The following IL27RA variants were observed in gnomAD, a reference collection of about 807,000 sequenced individuals.
The protein encoded by IL27RA is interleukin-27 receptor subunit alpha.
In IL27RA, 61 loss-of-function variants were observed where a neutral mutation model predicts 80.8. The ratio of observed to expected loss-of-function variants is 0.76; its 90% CI spans 0.61 to 0.93. The LOEUF (loss-of-function observed/expected upper bound fraction) is 0.93. Ranked by LOEUF, IL27RA falls within the 40% of genes least tolerant of loss-of-function variation. The pLI is 0.00. For missense variants in IL27RA, 735 were observed against 808.1 expected, an observed-to-expected ratio of 0.91 and a Z score of 1.10; for synonymous variants, 316 against 332.5, an observed-to-expected ratio of 0.95 and a Z score of 0.54.
intron 2 of IL27RA, 47 bp downstream of exon 2, chr19:14,032,550 G>T (rs1193107626): frequency 7.9e-7 from 1 of 1,258,672 alleles, no homozygotes; most frequent in Non-Finnish European, 1.2e-6. Flanking sequence ...GGAGGTGGCC[G>T]CTCAGGCCCC....
At position 14,036,031 on chromosome 19, in the gene IL27RA, A is replaced by T. The variant is rs1470116912; in HGVS notation, c.219-3477A>T. On this transcript the variant is annotated intron_variant, in intron 2 of 13. Transcript: ENST00000263379. ...CGAGGCAGAAGGATGGCTTGAGCCC[A>T]GGGGTTGGAGACCAGCCTGGGCAAC... Among the ~76,000 whole-genome samples the T allele has an allele frequency of 2.7e-5, 4 of 150,814 alleles. No homozygotes were observed. In the South Asian group the frequency reaches 8.4e-4, roughly 32 times the overall value.
Position 14,051,659 on chromosome 19 carries a change from G to A in IL27RA, c.1581G>A (p.Leu527=), listed in dbSNP as rs774346460. ...VLPGILFLWG[L]FLLGCGLSLA... is the part of the protein sequence containing the mutation. Reference sequence around the variant, plus strand: ...CGGGCATCCTATTCTTGTGGGGCTTGTTCCTGTTGGGGTGTGGCCTGAGCC... The same window carrying A: ...CGGGCATCCTATTCTTGTGGGGCTTATTCCTGTTGGGGTGTGGCCTGAGCC... Residue 527 remains leucine, a synonymous_variant, in exon 12 of 14, where the codon TTG becomes TTA. Coordinates refer to ENST00000263379, the MANE Select transcript of IL27RA (RefSeq NM_004843.4). 49 of 1,613,422 alleles carry A rather than the reference G, an allele frequency of 3.0e-5. No individual in the cohort carries two copies. Among genetic ancestry groups the A allele is most frequent in the East Asian group, 4.5e-5 (2 of 44,878 alleles).
At chr19:14,042,889 A>ACAGCAGTGTTGGGATT in intron 6 of IL27RA, 100 bp downstream of exon 6, 8 of 1,099,918 alleles carry the variant, frequency 7.3e-6, no homozygotes, top group Non-Finnish European at 1.1e-5. Flanking sequence ...TTGTAATCCC[A>ACAGCAGTGTTGGGATT]ACACTGCTGT....
At position 14,049,086 on chromosome 19, in the gene IL27RA, A is replaced by T; in HGVS notation, c.1243+4A>T. On this transcript the variant is annotated splice_donor_region_variant and intron_variant, in intron 9 of 13. Coordinates refer to ENST00000263379, the MANE Select transcript of IL27RA (RefSeq NM_004843.4). ...TGGGGGTTCAGGGAGGAATTAGGTAAGAGTGGGGCTGGAGGATGGGGGGGC... is the reference window on the plus strand; with the variant it reads ...TGGGGGTTCAGGGAGGAATTAGGTATGAGTGGGGCTGGAGGATGGGGGGGC... 1 of 1,613,050 alleles carries T rather than the reference A, an allele frequency of 6.2e-7. No individual in the cohort carries two copies. The highest frequency in any genetic ancestry group is 1.1e-5 in the South Asian group (1 of 90,960).
Position 14,048,962 on chromosome 19 carries a change from T to G in IL27RA, c.1142-19T>G, listed in dbSNP as rs1181668642. The G allele has an allele frequency of 6.6e-7, 1 of 1,525,542 alleles. No individual in the cohort carries two copies. Among genetic ancestry groups the G allele is most frequent in the East Asian group, 2.2e-5 (1 of 44,848 alleles). 94.5% of individuals were successfully genotyped at this position (1,525,542 alleles called of 1,614,324 possible). On this transcript the variant is annotated intron_variant, in intron 8 of 13. Transcript: ENST00000263379. Reference sequence around the variant, plus strand: ...AAGGAGAGCCAACTCTAACTGGTCTTTATTTCTTTGTCACTCAGGGAATTT... The same window carrying G: ...AAGGAGAGCCAACTCTAACTGGTCTGTATTTCTTTGTCACTCAGGGAATTT...
chr19:14,040,495 G>A (rs1393006777), intron 4 of IL27RA, among the ~76,000 whole-genome samples: 2 of 151,962 alleles, frequency 1.3e-5, no homozygotes, highest in Non-Finnish European at 2.9e-5. Context: ...GACCAGCCTG[G>A]GCAGGATAGC....
chr19:14,036,663 AT>A (rs1975905756), intron 2 of IL27RA, among the ~76,000 whole-genome samples: 2 of 151,386 alleles, frequency 1.3e-5, no homozygotes. Context: ...TAATTTTTGT[AT>A]TTTTAGTAGA....
In IL27RA at chr19:14,052,367, C is replaced by T; in HGVS notation, c.*77C>T. The T allele has an allele frequency of 2.6e-6, 3 of 1,168,976 alleles. No individual in the cohort carries two copies. The highest frequency in any genetic ancestry group is 3.5e-6 in the Non-Finnish European group (3 of 858,330). 72.4% of individuals were successfully genotyped at this position (1,168,976 alleles called of 1,614,324 possible). The stretch of plus-strand genomic sequence containing the variant: ...GGTTGCACCCCAGTCCTGGATTAGC[C>T]CTCTTGATGGATGAAGACACTGAGG... On this transcript the variant is annotated 3_prime_UTR_variant, in exon 14 of 14. Coordinates refer to ENST00000263379, the MANE Select transcript of IL27RA (RefSeq NM_004843.4).
rs370468770 is a variant in IL27RA at position 14,042,804 on chromosome 19, C to T, written c.768+15C>T. ...TTCTATGGAAGGTGAGCTTCAGGCA[C>T]CAGTTACATTTCTCTGCACGTGTTA... On this transcript the variant is annotated intron_variant, in intron 6 of 13. Transcript: ENST00000263379. The T allele has an allele frequency of 1.2e-6, 2 of 1,609,906 alleles. No homozygotes were observed. Among genetic ancestry groups the T allele is most frequent in the Non-Finnish European group, 1.7e-6 (2 of 1,176,242 alleles).
intron 2 of IL27RA, 82 bp from the exon 3 acceptor site, chr19:14,039,426 C>G: frequency 6.7e-7 from 1 of 1,492,108 alleles, no homozygotes; most frequent in South Asian, 1.3e-5. Flanking sequence ...CAGGCTGCAG[C>G]CACTCTGTTG....
chr19:14,048,290 A>AAATT (rs377396890), intron 8 of IL27RA, among the ~76,000 whole-genome samples: 50 of 128,672 alleles, frequency 3.9e-4, no homozygotes, highest in Admixed American at 6.3e-4. Context: ...ATAAATAAAT[A>AAATT]AATTAATTAA....
rs766807915 is a variant in IL27RA, at chr19:14,049,325, C to T, written c.1402+11C>T. ...CCGTCTGCATGAATGGTGAGCTTCCCTGCCTGCTGACCTGTCCTCCCAGCC... is the reference window on the plus strand; with the variant it reads ...CCGTCTGCATGAATGGTGAGCTTCCTTGCCTGCTGACCTGTCCTCCCAGCC... On this transcript the variant is annotated intron_variant, in intron 10 of 13. Coordinates refer to ENST00000263379, the MANE Select transcript of IL27RA (RefSeq NM_004843.4). 2.8e-5 allele frequency: 45 copies of T among 1,609,800 alleles called. No individual in the cohort carries two copies. The highest frequency in any genetic ancestry group is 2.0e-4 in the Middle Eastern group (1 of 5,010).
chr19:14,031,831 C>G lies in IL27RA; in HGVS notation c.-42C>G. 6.6e-7 allele frequency: 1 copy of G among 1,513,164 alleles called. No individual in the cohort carries two copies. The highest frequency in any genetic ancestry group is 1.2e-5 in the South Asian group (1 of 83,710). The allele number at this position is 1,513,164 out of a possible 1,614,324, so 93.7% of individuals were successfully genotyped here. On this transcript the variant is annotated 5_prime_UTR_variant, in exon 1 of 14. Coordinates refer to ENST00000263379, the MANE Select transcript of IL27RA (RefSeq NM_004843.4). ...AAGAGGAGCAGCGCGGCCGCGCGGA[C>G]CCGGCAAGGCTGGGCCGGACTCGGG...
Position 14,052,532 on chromosome 19 carries a change from G to T in IL27RA, c.*242G>T. ...AGCAAAGGAAAATACATGAAATTGA[G>T]AGTGGCAGCTGCCTGCCAAAATCTG... On this transcript the variant is annotated 3_prime_UTR_variant, in exon 14 of 14. Transcript: ENST00000263379. 1 of 418,542 alleles carries T rather than the reference G, an allele frequency of 2.4e-6. No homozygotes were observed. Among genetic ancestry groups the T allele is most frequent in the South Asian group, 6.9e-5 (1 of 14,426 alleles). 25.9% of individuals were successfully genotyped at this position (418,542 alleles called of 1,614,324 possible).
At position 14,032,579 on chromosome 19, in the gene IL27RA, G is replaced by A. The variant is rs1466289913; in HGVS notation, c.218+76G>A. ...AGGCCCCAGGCTGCTTTGGTTGAAA[G>A]GTTCCAGGAGTCAAGCCTGGCCAAC... On this transcript the variant is annotated intron_variant, in intron 2 of 13. Coordinates refer to ENST00000263379, the MANE Select transcript of IL27RA (RefSeq NM_004843.4). 4 of 793,438 alleles carry A rather than the reference G, an allele frequency of 5.0e-6. No homozygotes were observed. In the East Asian group the frequency reaches 8.2e-5, roughly 16 times the overall value. The allele number at this position is 793,438 out of a possible 1,614,324, so 49.1% of individuals were successfully genotyped here.
intron 2 of IL27RA, among the ~76,000 whole-genome samples, chr19:14,038,756 T>C (rs1250167337): frequency 6.6e-6 from 1 of 150,708 alleles, no homozygotes; most frequent in Non-Finnish European, 1.5e-5. Flanking sequence ...TGGTGGCGCA[T>C]GCCTGTAATT....
chr19:14,043,625 C>CA (rs1173365597), intron 6 of IL27RA, among the ~76,000 whole-genome samples: 10 of 151,318 alleles, frequency 6.6e-5, no homozygotes, highest in Non-Finnish European at 2.9e-5. Flanking sequence ...GGGGTTTCAC[C>CA]ATCTTGGCCA....
chr19:14,049,880 T>C (rs1333909534), intron 10 of IL27RA, among the ~76,000 whole-genome samples: 1 of 151,840 alleles, frequency 6.6e-6, no homozygotes, highest in Non-Finnish European at 1.5e-5. Flanking sequence ...GCCCGGCCTA[T>C]ATATAATTTT....
In IL27RA at chr19:14,031,847, C is replaced by G. The variant is rs754992590; in HGVS notation, c.-26C>G. The stretch of plus-strand genomic sequence containing the variant: ...CCGCGCGGACCCGGCAAGGCTGGGC[C>G]GGACTCGGGGCTCCCGAGGGACGCC... On this transcript the variant is annotated 5_prime_UTR_variant, in exon 1 of 14. Coordinates refer to ENST00000263379, the MANE Select transcript of IL27RA (RefSeq NM_004843.4). The G allele has an allele frequency of 6.4e-7, 1 of 1,564,756 alleles. No homozygotes were observed. Among genetic ancestry groups the G allele is most frequent in the African/African-American group, 1.4e-5 (1 of 73,832 alleles).
Sources: allele counts gnomAD v4.1 joint callset (sites outside exome capture counted in the v4.1 genomes callset), GRCh38; gene constraint gnomAD v4.1.1; transcripts MANE v1.5; gene names NCBI Gene and HGNC (gene_info 2026-07-23, HGNC 2026-07-21).